CCDC3: variants seen among roughly 807,000 people sequenced by gnomAD.
CCDC3 encodes the protein coiled-coil domain containing 3.
CCDC3 carries 24 observed loss-of-function variants against 21.4 expected under a neutral mutation model. That is an observed-to-expected ratio of 1.12 (90% confidence interval 0.81 to 1.58). The LOEUF (loss-of-function observed/expected upper bound fraction) is 1.58. Ranked by LOEUF, CCDC3 falls within the 40% of genes most tolerant of loss-of-function variation. The pLI is 0.00. For synonymous variants in CCDC3, 186 were observed against 166.0 expected (o/e 1.12, Z -0.93); for missense variants, 425 against 360.9 (o/e 1.18, Z -1.44).
At chr10:12,934,756 C>CAACCAA (rs1834708310) in intron 2 of CCDC3, among the ~76,000 whole-genome samples, 1 of 152,088 alleles carries the variant, frequency 6.6e-6, no homozygotes, top group African/African-American at 2.4e-5. Context: ...AATATAGCTA[C>CAACCAA]TCCTGTTTGC....
At chr10:12,994,942 G>A (rs1835737857) in intron 2 of CCDC3, among the ~76,000 whole-genome samples, 1 of 151,844 alleles carries the variant, frequency 6.6e-6, no homozygotes, top group Non-Finnish European at 1.5e-5. Context: ...TTAGCCAGGT[G>A]TGATGGCACA....
chr10:12,925,473 T>C (rs2131221209), intron 2 of CCDC3, among the ~76,000 whole-genome samples: 1 of 152,314 alleles, frequency 6.6e-6, no homozygotes, highest in Non-Finnish European at 1.5e-5. Flanking sequence ...AGGCAAACTC[T>C]CCGCAACTCC....
chr10:12,901,078 C>A (rs1263439678), intron 2 of CCDC3, among the ~76,000 whole-genome samples: 2 of 152,048 alleles, frequency 1.3e-5, no homozygotes, highest in Non-Finnish European at 2.9e-5. Flanking sequence ...AGACCAAGGC[C>A]CCTCATCCCA....
chr10:12,986,563 A>G (rs1291259634), intron 2 of CCDC3, among the ~76,000 whole-genome samples: 1 of 152,214 alleles, frequency 6.6e-6, no homozygotes, highest in Non-Finnish European at 1.5e-5. Context: ...TCACAAGGTC[A>G]GGAGATGGAA....
At position 13,094,878 on chromosome 10, in the gene CCDC3, C is replaced by G. The variant is rs184522916; in HGVS notation, c.-503+3647G>C. On this transcript the variant is annotated intron_variant, in intron 3 of 6. Coordinates refer to the CCDC3 transcript ENST00000378839. ...GATGCTCTGTCAAACAAACAAAAAA[C>G]ATGGGAGGAAGGAGAGGAAGGAGGA... Among the ~76,000 whole-genome samples the G allele has an allele frequency of 1.7e-3, 264 of 151,934 alleles. 1 individual carries two copies. The highest frequency in any genetic ancestry group is 6.2e-3 in the African/African-American group (257 of 41,470).
intron 2 of CCDC3, among the ~76,000 whole-genome samples, chr10:12,930,802 A>G (rs1834626862): frequency 6.6e-6 from 1 of 152,176 alleles, no homozygotes; most frequent in Non-Finnish European, 1.5e-5. Context: ...CAAACATAAC[A>G]GTGCCGAGGT....
intron 3 of CCDC3, among the ~76,000 whole-genome samples, chr10:13,094,922 ACC>A (rs916555326): frequency 3.3e-5 from 5 of 151,952 alleles, no homozygotes; most frequent in African/African-American, 1.2e-4. Context: ...CAGCACACAC[ACC>A]GTGAACAGGC....
At chr10:12,994,520 G>A (rs1835730392) in intron 2 of CCDC3, among the ~76,000 whole-genome samples, 1 of 152,196 alleles carries the variant, frequency 6.6e-6, no homozygotes, top group East Asian at 1.9e-4. Context: ...ATACAAGAAA[G>A]TATCCTAAGC....
intron 4 of CCDC3, among the ~76,000 whole-genome samples, chr10:13,052,692 C>A (rs919776479): frequency 6.6e-6 from 1 of 152,036 alleles, no homozygotes; most frequent in African/African-American, 2.4e-5. Context: ...ATAATCCCAG[C>A]ACTTTGGGAG....
chr10:12,921,360 C>T (rs150953619), intron 2 of CCDC3, among the ~76,000 whole-genome samples: 362 of 152,226 alleles, frequency 2.4e-3, no homozygotes, highest in South Asian at 0.011. Flanking sequence ...TGTCTGTGTA[C>T]GTCTGTGGGG....
chr10:13,060,168 A>G (rs1216638813), intron 4 of CCDC3, among the ~76,000 whole-genome samples: 1 of 149,238 alleles, frequency 6.7e-6, no homozygotes, highest in African/African-American at 2.5e-5. Flanking sequence ...ACAAAACAAA[A>G]CAAACAAATC....
rs114529904 is a variant in CCDC3 at position 12,958,306 on chromosome 10, C to T, written c.549+40032G>A. Among the ~76,000 whole-genome samples the T allele has an allele frequency of 3.8e-3, 586 of 152,242 alleles. 4 individuals carry two copies. Among genetic ancestry groups the T allele is most frequent in the African/African-American group, 0.013 (557 of 41,540 alleles). ...AAGCAGTTGTGTGAGGTGGCAATTT[C>T]TAGAACTGCAACCTGACACCATGAG... On this transcript the variant is annotated intron_variant, in intron 2 of 2. Coordinates refer to ENST00000378825, the MANE Select transcript of CCDC3 (RefSeq NM_031455.4).
At chr10:12,939,994 T>C (rs548416262) in intron 2 of CCDC3, among the ~76,000 whole-genome samples, 14 of 152,352 alleles carry the variant, frequency 9.2e-5, no homozygotes, top group African/African-American at 3.4e-4. Context: ...CTGGTCAAGA[T>C]GGATTAAATG....
At chr10:12,972,336 A>G (rs1835356281) in intron 2 of CCDC3, among the ~76,000 whole-genome samples, 1 of 152,118 alleles carries the variant, frequency 6.6e-6, no homozygotes, top group Non-Finnish European at 1.5e-5. Flanking sequence ...AGCCCCAGGC[A>G]CACCCTTGGG....
chr10:13,017,596 CCAA>C (rs1224187261), intron 5 of CCDC3, among the ~76,000 whole-genome samples: 2 of 151,694 alleles, frequency 1.3e-5, no homozygotes, highest in Admixed American at 6.6e-5. Flanking sequence ...AACCAATTTC[CCAA>C]CATCTTCTTG....
At chr10:13,093,249 A>C (rs1201848914) in intron 3 of CCDC3, among the ~76,000 whole-genome samples, 3 of 152,200 alleles carry the variant, frequency 2.0e-5, no homozygotes, top group African/African-American at 7.2e-5. Flanking sequence ...AGCACATCTT[A>C]CATGGCGGCA....
intron 5 of CCDC3, among the ~76,000 whole-genome samples, chr10:13,030,191 A>G (rs545491452): frequency 6.6e-6 from 1 of 152,248 alleles, no homozygotes; most frequent in Non-Finnish European, 1.5e-5. Flanking sequence ...AACATTCAAC[A>G]TTCTTAAAGA....
At chr10:12,936,172 T>G (rs1435213383) in intron 2 of CCDC3, among the ~76,000 whole-genome samples, 1 of 152,212 alleles carries the variant, frequency 6.6e-6, no homozygotes, top group Non-Finnish European at 1.5e-5. Flanking sequence ...GACGGTAATC[T>G]CAGTTTTTGT....
At chr10:13,049,654 A>C (rs1348218448) in intron 5 of CCDC3, 3 of 152,214 alleles carry the variant, frequency 2.0e-5, no homozygotes, top group Non-Finnish European at 4.4e-5. Flanking sequence ...AAGGCAGCAG[A>C]AATCAAATGG....
Sources: allele counts gnomAD v4.1 joint callset (sites outside exome capture counted in the v4.1 genomes callset), GRCh38; gene constraint gnomAD v4.1.1; transcripts MANE v1.5; gene names NCBI Gene and HGNC (gene_info 2026-07-23, HGNC 2026-07-21).